ATP11A: variants seen among roughly 807,000 people sequenced by gnomAD.
The protein encoded by ATP11A is ATPase phospholipid transporting 11A.
In ATP11A, 81 loss-of-function variants were observed where a neutral mutation model predicts 154.4. The ratio of observed to expected loss-of-function variants is 0.52; its 90% CI spans 0.44 to 0.63. The LOEUF is 0.63. ATP11A is among the 30% of genes least tolerant of loss of function. ATP11A has a pLI of 0.00. For missense variants in ATP11A, 1,316 were observed against 1,474.3 expected, an observed-to-expected ratio of 0.89 and a Z score of 1.76; for synonymous variants, 623 against 585.9, an observed-to-expected ratio of 1.06 and a Z score of -0.91.
chr13:112,808,773 C>T (rs924084561), intron 4 of ATP11A, among the ~76,000 whole-genome samples: 5 of 152,198 alleles, frequency 3.3e-5, no homozygotes, highest in East Asian at 1.9e-4. Context: ...CCGCCGCCAT[C>T]GCCCAGGTCC....
chr13:112,840,203 G>C (rs865825445), intron 16 of ATP11A, among the ~76,000 whole-genome samples: 64 of 13,240 alleles, frequency 4.8e-3, no homozygotes, highest in African/African-American at 0.011. Context: ...CTCCCGTGCC[G>C]TCCAGCCTCA....
intron 24 of ATP11A, among the ~76,000 whole-genome samples, chr13:112,862,206 G>A (rs1260895176): frequency 2.0e-5 from 3 of 152,256 alleles, no homozygotes; most frequent in African/African-American, 7.2e-5. Context: ...ATATTGCAGT[G>A]AATATGAGAG....
intron 1 of ATP11A, among the ~76,000 whole-genome samples, chr13:112,724,492 G>GCCCTCCT (rs59122409): frequency 0.25 from 37,958 of 151,510 alleles, 6,470 homozygotes; most frequent in African/African-American, 0.48. Flanking sequence ...CTGTCACGTG[G>GCCCTCCT]CCCTCCTCCA....
intron 2 of ATP11A, among the ~76,000 whole-genome samples, chr13:112,788,707 T>C (rs2140055349): frequency 6.6e-6 from 1 of 151,932 alleles, no homozygotes; most frequent in African/African-American, 2.4e-5. Context: ...GGAGACCTAC[T>C]TAATTCGCAC....
rs1225457504 is a variant in ATP11A at position 112,883,221 on chromosome 13, G to A, written c.*1355G>A. 7.5e-6 allele frequency: 3 copies of A among 398,702 alleles called. No homozygotes were observed. Among genetic ancestry groups the A allele is most frequent in the Non-Finnish European group, 1.3e-5 (3 of 226,170 alleles). 24.7% of individuals were successfully genotyped at this position (398,702 alleles called of 1,614,324 possible). On this transcript the variant is annotated 3_prime_UTR_variant, in exon 30 of 30. Coordinates refer to ENST00000375645, the MANE Select transcript of ATP11A (RefSeq NM_015205.3). ...TCCTTCGTCTTAGGATCTGTCCAGC[G>A]CTGCTCTGGGTGGGTTAGCAACCCC... is the stretch of plus-strand genomic sequence containing the variant.
chr13:112,769,823 G>C (rs916248812), intron 1 of ATP11A, among the ~76,000 whole-genome samples: 1 of 152,206 alleles, frequency 6.6e-6, no homozygotes, highest in Non-Finnish European at 1.5e-5. Flanking sequence ...CAGAGCCGCG[G>C]GGAAGCCAGG....
chr13:112,811,161 A>AACACACACAC (rs10695491), intron 5 of ATP11A, among the ~76,000 whole-genome samples: 9,710 of 115,460 alleles, frequency 0.084, 684 homozygotes, highest in Middle Eastern at 0.12. Context: ...TGCCCCTTCC[A>AACACACACAC]ACACACACAC....
intron 2 of ATP11A, among the ~76,000 whole-genome samples, chr13:112,795,511 G>T (rs1448952159): frequency 6.6e-6 from 1 of 152,174 alleles, no homozygotes; most frequent in Non-Finnish European, 1.5e-5. Context: ...AGGGTCCTTT[G>T]GAAGGAATCC....
At chr13:112,796,834 A>T (rs535540333) in intron 2 of ATP11A, among the ~76,000 whole-genome samples, 1 of 152,304 alleles carries the variant, frequency 6.6e-6, no homozygotes, top group East Asian at 1.9e-4. Flanking sequence ...GGGATTTGTA[A>T]TACAGGCTGC....
rs150101211 is a variant in ATP11A at position 112,817,993 on chromosome 13, A to G, written c.571-1311A>G. Among the ~76,000 whole-genome samples the G allele has an allele frequency of 8.3e-3, 1,264 of 152,334 alleles. 23 individuals carry two copies. Among genetic ancestry groups the G allele is most frequent in the African/African-American group, 0.028 (1,155 of 41,572 alleles). ...ACATTTGTGAAATGGGGACAACCCT[A>G]TCTCTCAGGGGCTCTTGTGAGGATA... On this transcript the variant is annotated intron_variant, in intron 6 of 29. Coordinates refer to ENST00000375645, the MANE Select transcript of ATP11A (RefSeq NM_015205.3).
intron 2 of ATP11A, among the ~76,000 whole-genome samples, chr13:112,802,838 T>C (rs1332588032): frequency 6.6e-6 from 1 of 152,184 alleles, no homozygotes; most frequent in African/African-American, 2.4e-5. Context: ...TATGAGCCAC[T>C]GACTGGGAGA....
intron 28 of ATP11A, among the ~76,000 whole-genome samples, chr13:112,877,320 G>A (rs555703995): frequency 6.6e-6 from 1 of 152,226 alleles, no homozygotes; most frequent in Non-Finnish European, 1.5e-5. Context: ...CCCTGCCTGT[G>A]GCCCGAGAAG....
rs1409575026 is a variant in ATP11A, at chr13:112,753,972, G to T, written c.40-31163G>T. ...TCATTACGTGGACACCGCTGCCTCT[G>T]AAGCTGGTTCTGCCACACGCCTGAC... On this transcript the variant is annotated intron_variant, in intron 1 of 29. Transcript: ENST00000375645. The surrounding 1 kb of genome is among the most constrained non-coding windows in gnomAD (Gnocchi z 4.1). Among the ~76,000 whole-genome samples, 5 of 152,254 alleles carry T rather than the reference G, an allele frequency of 3.3e-5. No homozygotes were observed. Among genetic ancestry groups the T allele is most frequent in the African/African-American group, 1.2e-4 (5 of 41,472 alleles).
At position 112,819,880 on chromosome 13, in the gene ATP11A, C is replaced by T. The variant is rs183367291; in HGVS notation, c.675-20C>T. ...GCCGCTGGGCGCGTCCGGTCAGTAACGTGGCTTTTCTGTCGCCAGGTTCGT... is the reference window on the plus strand; with the variant it reads ...GCCGCTGGGCGCGTCCGGTCAGTAATGTGGCTTTTCTGTCGCCAGGTTCGT... On this transcript the variant is annotated intron_variant, in intron 7 of 29. Transcript: ENST00000375645. The T allele has an allele frequency of 5.4e-4, 871 of 1,614,018 alleles. 2 individuals are homozygous for T. Among genetic ancestry groups the T allele is most frequent in the Admixed American group, 3.3e-3 (201 of 60,008 alleles).
chr13:112,726,146 G>C lies in ATP11A; in HGVS notation c.39+35691G>C, dbSNP rs577973193. 9.9e-5 allele frequency among the ~76,000 whole-genome samples: 15 copies of C among 152,234 alleles called. No individual in the cohort carries two copies. In the South Asian group the frequency reaches 2.7e-3, roughly 27 times the overall value. On this transcript the variant is annotated intron_variant, in intron 1 of 29. Transcript: ENST00000375645. ...GAGGTGTATGCCGGGGATGGGGCAC[G>C]GCGTGCGTGCAGGGAGAGGGGCCAG...
intron 1 of ATP11A, among the ~76,000 whole-genome samples, chr13:112,735,899 CG>C (rs559128844): frequency 1.6e-4 from 25 of 152,342 alleles, no homozygotes; most frequent in African/African-American, 5.8e-4. Context: ...TCCCATGGTC[CG>C]TGTGCTCCTC....
chr13:112,869,963 A>G, intron 25 of ATP11A, among the ~76,000 whole-genome samples: 1 of 152,206 alleles, frequency 6.6e-6, no homozygotes, highest in Non-Finnish European at 1.5e-5. Context: ...GTGTGCACTC[A>G]GCAGCCCCTC....
Position 112,875,133 on chromosome 13 carries a change from C to T in ATP11A, c.3162-643C>T, listed in dbSNP as rs1276184429. Among the ~76,000 whole-genome samples, 3 of 152,224 alleles carry T rather than the reference C, an allele frequency of 2.0e-5. No individual in the cohort carries two copies. Among genetic ancestry groups the T allele is most frequent in the Non-Finnish European group, 2.9e-5 (2 of 68,040 alleles). ...CCCGTTACCCACCATGCCCTGCTTCCGTTTCCCTCCTGTTGTCCACACACC... is the reference window on the plus strand; with the variant it reads ...CCCGTTACCCACCATGCCCTGCTTCTGTTTCCCTCCTGTTGTCCACACACC... On this transcript the variant is annotated intron_variant, in intron 27 of 29. Transcript: ENST00000375645. This position sits in a 1 kb window ranked among gnomAD's most constrained non-coding sequence, Gnocchi z 4.1.
At chr13:112,730,933 CTATT>C (rs1321528616) in intron 1 of ATP11A, among the ~76,000 whole-genome samples, 4 of 152,042 alleles carry the variant, frequency 2.6e-5, no homozygotes, top group Non-Finnish European at 5.9e-5. Context: ...CGTAGACAGT[CTATT>C]TATTTATTTA....
Sources: allele counts gnomAD v4.1 joint callset (sites outside exome capture counted in the v4.1 genomes callset), GRCh38; gene constraint gnomAD v4.1.1; non-coding constraint Gnocchi (gnomAD v3.1); transcripts MANE v1.5; gene names NCBI Gene and HGNC (gene_info 2026-07-23, HGNC 2026-07-21).